Variants in GRIA2 observed in about 807,000 individuals in gnomAD.
GRIA2 encodes the protein glutamate ionotropic receptor AMPA type subunit 2.
Under a neutral mutation model 97.3 loss-of-function variants are expected in GRIA2, and 14 were observed. That is an observed-to-expected ratio of 0.14 (90% confidence interval 0.10 to 0.23). GRIA2 has a LOEUF of 0.23. GRIA2 is among the 10% of genes least tolerant of loss of function. The pLI is 1.00. For synonymous variants in GRIA2, 412 were observed against 387.8 expected (o/e 1.06, Z -0.73); for missense variants, 558 against 1,069.8 (o/e 0.52, Z 6.67).
intron 2 of GRIA2, among the ~76,000 whole-genome samples, chr4:157,274,770 T>C (rs532942742): frequency 7.9e-5 from 12 of 151,888 alleles, no homozygotes; most frequent in Non-Finnish European, 1.6e-4. Context: ...TCTATCATTG[T>C]TGGACATTTG....
chr4:157,275,060 C>G (rs947443130), intron 2 of GRIA2, among the ~76,000 whole-genome samples: 2 of 152,074 alleles, frequency 1.3e-5, no homozygotes, highest in Admixed American at 1.3e-4. Flanking sequence ...GATTGCCATT[C>G]TAACTGGTGT....
intron 2 of GRIA2, among the ~76,000 whole-genome samples, chr4:157,281,457 C>A (rs1435763320): frequency 1.3e-5 from 2 of 152,024 alleles, no homozygotes; most frequent in Non-Finnish European, 2.9e-5. Context: ...TTAGTTCTAG[C>A]AGATTTAACT....
chr4:157,312,831 A>G lies in GRIA2; in HGVS notation c.622A>G (p.Ile208Val), dbSNP rs1734143075. The G allele has an allele frequency of 3.7e-6, 6 of 1,611,288 alleles. No individual in the cohort carries two copies. Among genetic ancestry groups the G allele is most frequent in the Non-Finnish European group, 5.1e-6 (6 of 1,178,238 alleles). ...GGAGTTAAAAAAGGAACGGCGTGTA[A>G]TTCTGGACTGTGAAAGGGATAAAGT... is the stretch of plus-strand genomic sequence containing the variant. ...DLELKKERRV[I>V]LDCERDKVND... Residue 208 changes from isoleucine to valine, a missense_variant, in exon 4 of 16, where the codon ATT becomes GTT. Around this residue, in one of 8 missense-constraint regions of GRIA2, gnomAD observed 173 missense variants for 209.1 expected, o/e 0.83. Transcript: ENST00000264426.
At chr4:157,333,925 T>G in intron 8 of GRIA2, 85 bp from the exon 9 acceptor site, 1 of 707,046 alleles carries the variant, frequency 1.4e-6, no homozygotes, top group South Asian at 1.7e-5. Flanking sequence ...AATTTCAGAT[T>G]CAGACATGGC....
At chr4:157,277,133 A>G (rs1280095105) in intron 2 of GRIA2, among the ~76,000 whole-genome samples, 1 of 151,974 alleles carries the variant, frequency 6.6e-6, no homozygotes, top group Non-Finnish European at 1.5e-5. Context: ...AGACACAAAA[A>G]TAATTAACAA....
At chr4:157,256,707 A>C (rs1731293621) in intron 2 of GRIA2, among the ~76,000 whole-genome samples, 1 of 151,924 alleles carries the variant, frequency 6.6e-6, no homozygotes, top group Admixed American at 6.6e-5. Flanking sequence ...CTATAGTATG[A>C]TACTTAATTA....
rs150128614 is a variant in GRIA2, at chr4:157,330,682, G to A, written c.883-2137G>A. The stretch of plus-strand genomic sequence containing the variant: ...ATTTCATTTTATTTTTGACAAATAA[G>A]TCTCAATAAATATACATTTAAAGCA... On this transcript the variant is annotated intron_variant, in intron 6 of 15. Transcript: ENST00000264426. 3.3e-3 allele frequency among the ~76,000 whole-genome samples: 503 copies of A among 151,982 alleles called. 3 individuals are homozygous for A. The highest frequency in any genetic ancestry group is 5.7e-3 in the Non-Finnish European group (384 of 67,896).
intron 11 of GRIA2, among the ~76,000 whole-genome samples, chr4:157,338,524 A>G (rs921365279): frequency 1.3e-5 from 2 of 152,054 alleles, no homozygotes; most frequent in African/African-American, 4.8e-5. Flanking sequence ...CCCAGAGTCC[A>G]CCATGACATA....
At chr4:157,269,644 A>G (rs2126786883) in intron 2 of GRIA2, among the ~76,000 whole-genome samples, 1 of 152,198 alleles carries the variant, frequency 6.6e-6, no homozygotes. Context: ...TTTTCTTAAT[A>G]GTAGATTATA....
chr4:157,362,764 C>A (rs777446682), intron 14 of GRIA2, 35 bp from the exon 15 acceptor site: 1 of 1,576,898 alleles, frequency 6.3e-7, no homozygotes, highest in South Asian at 1.2e-5. Flanking sequence ...ACCAGTTTGC[C>A]TTCCTAATAA....
chr4:157,315,063 C>A (rs1734251188), intron 4 of GRIA2, among the ~76,000 whole-genome samples: 1 of 152,154 alleles, frequency 6.6e-6, no homozygotes, highest in Non-Finnish European at 1.5e-5. Context: ...GAAGGGTTCA[C>A]ATAAGACGTG....
chr4:157,295,876 G>A (rs1288645627), intron 2 of GRIA2, among the ~76,000 whole-genome samples: 1 of 151,988 alleles, frequency 6.6e-6, no homozygotes, highest in Non-Finnish European at 1.5e-5. Context: ...TGTCACTTAC[G>A]ACAAACTTTA....
chr4:157,245,389 G>A (rs1344448660), intron 2 of GRIA2, among the ~76,000 whole-genome samples: 1 of 152,038 alleles, frequency 6.6e-6, no homozygotes, highest in Non-Finnish European at 1.5e-5. Flanking sequence ...AATAGACTTG[G>A]AGTTACATGT....
At chr4:157,224,626 G>T (rs958159833) in intron 2 of GRIA2, among the ~76,000 whole-genome samples, 1 of 152,078 alleles carries the variant, frequency 6.6e-6, no homozygotes, top group Non-Finnish European at 1.5e-5. Flanking sequence ...AGGGAAAGAT[G>T]CTTATGTAAA....
At chr4:157,226,277 G>A (rs1224062626) in intron 2 of GRIA2, among the ~76,000 whole-genome samples, 1 of 151,894 alleles carries the variant, frequency 6.6e-6, no homozygotes, top group Non-Finnish European at 1.5e-5. Flanking sequence ...TCATAAAACT[G>A]TTGCGCACAC....
At chr4:157,233,021 T>G (rs756402605) in intron 2 of GRIA2, among the ~76,000 whole-genome samples, 8 of 152,272 alleles carry the variant, frequency 5.3e-5, no homozygotes, top group Non-Finnish European at 7.4e-5. Context: ...TTAGCAATAT[T>G]TTATTATTAT....
rs142317783 is a variant in GRIA2, at chr4:157,294,499, T to C, written c.230-9053T>C. ...ACAGAGCAAGAGGAAAGAAGAAATA[T>C]AAAACAAAGAGGAAGAAATGTAAAA... On this transcript the variant is annotated intron_variant, in intron 2 of 15. Transcript: ENST00000264426. Among the ~76,000 whole-genome samples the C allele has an allele frequency of 2.1e-4, 31 of 150,954 alleles. No homozygotes were observed. The East Asian group carries it at 6.1e-3, about 29-fold the overall frequency.
chr4:157,327,394 T>A (rs1734850893), intron 6 of GRIA2, among the ~76,000 whole-genome samples: 1 of 152,162 alleles, frequency 6.6e-6, no homozygotes, highest in Admixed American at 6.6e-5. Flanking sequence ...AATGAGTTAC[T>A]TTAGTTGATA....
At position 157,221,890 on chromosome 4, in the gene GRIA2, G is replaced by C. The variant is rs1729513367; in HGVS notation, c.229+83G>C. 3.9e-6 allele frequency: 5 copies of C among 1,272,978 alleles called. No homozygotes were observed. In the Admixed American group the frequency reaches 5.2e-5, roughly 13 times the overall value. 78.9% of individuals were successfully genotyped at this position (1,272,978 alleles called of 1,614,324 possible). ...AGTGTGTGTGTGCGTTTCTGGGGTG[G>C]TGTGTGTGCGTTTCTGTGTGTCAGT... On this transcript the variant is annotated intron_variant, in intron 2 of 15. Transcript: ENST00000264426.
Sources: gnomAD v4.1 joint callset for allele counts (sites outside exome capture counted in the v4.1 genomes callset) on GRCh38, gnomAD v4.1.1 for gene constraint, gnomAD v4.1.1 regional missense constraint, MANE v1.5 for transcripts, NCBI Gene and HGNC (gene_info 2026-07-23, HGNC 2026-07-21) for gene names.